Variants in NBEA observed in about 807,000 individuals in gnomAD.
NBEA encodes the protein lysosomal-trafficking regulator 2.
A neutral mutation model predicts 343.4 loss-of-function variants in NBEA; 44 were observed. The ratio of observed to expected loss-of-function variants is 0.13; its 90% CI spans 0.10 to 0.16. The LOEUF (loss-of-function observed/expected upper bound fraction) is 0.16, where lower values mean the gene tolerates loss of function less well. Ranked by LOEUF, NBEA falls within the 10% of genes least tolerant of loss-of-function variation. NBEA has a pLI of 1.00. For synonymous variants in NBEA, 1,175 were observed against 1,238.7 expected (o/e 0.95, Z 1.08); for missense variants, 2,555 against 3,631.3 (o/e 0.70, Z 7.62).
At chr13:35,543,404 A>G (rs1173232815) in intron 41 of NBEA, among the ~76,000 whole-genome samples, 3 of 152,226 alleles carry the variant, frequency 2.0e-5, no homozygotes, top group Non-Finnish European at 4.4e-5. Flanking sequence ...TTGTGTGCTA[A>G]AAATCACATA....
chr13:35,577,702 C>T (rs1040685338), intron 45 of NBEA, among the ~76,000 whole-genome samples: 1 of 151,840 alleles, frequency 6.6e-6, no homozygotes, highest in Non-Finnish European at 1.5e-5. Flanking sequence ...ATTTATTGCT[C>T]GCTTAAAAAG....
chr13:34,993,884 T>A (rs890588672), intron 1 of NBEA, among the ~76,000 whole-genome samples: 1 of 152,038 alleles, frequency 6.6e-6, no homozygotes, highest in African/African-American at 2.4e-5. Context: ...AGTAAAAGAT[T>A]ACCTAAAACT....
chr13:35,034,659 T>G (rs1056875896), intron 1 of NBEA, among the ~76,000 whole-genome samples: 2 of 151,804 alleles, frequency 1.3e-5, no homozygotes, highest in African/African-American at 4.8e-5. Context: ...AATTCAGCAG[T>G]GAAGTGCTTT....
chr13:35,214,988 T>C (rs895051463), intron 33 of NBEA, among the ~76,000 whole-genome samples: 2 of 117,154 alleles, frequency 1.7e-5, no homozygotes, highest in Non-Finnish European at 3.8e-5. Context: ...GTAGATCTAT[T>C]TCTAGACTCC....
chr13:35,394,789 A>T (rs1244650086), intron 38 of NBEA, among the ~76,000 whole-genome samples: 2 of 152,040 alleles, frequency 1.3e-5, no homozygotes, highest in Non-Finnish European at 1.5e-5. Flanking sequence ...TTCTACTTAT[A>T]TTAGGCTTAC....
At chr13:35,175,058 G>C (rs895934243) in intron 27 of NBEA, among the ~76,000 whole-genome samples, 3 of 152,022 alleles carry the variant, frequency 2.0e-5, no homozygotes, top group Admixed American at 1.3e-4. Context: ...CCAAAGTGCT[G>C]GGATTACAGG....
At chr13:35,079,597 T>G (rs932464016) in intron 10 of NBEA, among the ~76,000 whole-genome samples, 5 of 152,186 alleles carry the variant, frequency 3.3e-5, no homozygotes, top group African/African-American at 1.2e-4. Flanking sequence ...AGTATACCAC[T>G]AATAAAAGTG....
intron 53 of NBEA, among the ~76,000 whole-genome samples, chr13:35,653,420 T>C (rs2084658532): frequency 6.9e-6 from 1 of 144,244 alleles, no homozygotes; most frequent in African/African-American, 2.6e-5. Flanking sequence ...AACCTCCGCC[T>C]CCCAGGTTAA....
At chr13:35,116,858 T>G (rs1032084750) in intron 13 of NBEA, among the ~76,000 whole-genome samples, 15 of 152,078 alleles carry the variant, frequency 9.9e-5, no homozygotes, top group African/African-American at 3.6e-4. Flanking sequence ...TATGCACATT[T>G]TAATATTTTA....
At chr13:34,999,861 T>C (rs1335933632) in intron 1 of NBEA, among the ~76,000 whole-genome samples, 1 of 152,176 alleles carries the variant, frequency 6.6e-6, no homozygotes, top group African/African-American at 2.4e-5. Context: ...ACAGGCATTC[T>C]ATTTCAAAGC....
At chr13:35,463,191 A>G (rs888028169) in intron 40 of NBEA, among the ~76,000 whole-genome samples, 3 of 152,186 alleles carry the variant, frequency 2.0e-5, no homozygotes, top group African/African-American at 7.2e-5. Flanking sequence ...AAAAGGAAAG[A>G]ATCCTATGCT....
intron 38 of NBEA, among the ~76,000 whole-genome samples, chr13:35,373,864 G>A (rs1387742982): frequency 6.6e-6 from 1 of 152,044 alleles, no homozygotes; most frequent in Non-Finnish European, 1.5e-5. Context: ...TGGTCTTGCT[G>A]TCTCAGGGGT....
intron 28 of NBEA, chr13:35,179,792 T>C (rs1377515325): frequency 1.0e-6 from 1 of 984,616 alleles, no homozygotes; most frequent in African/African-American, 1.7e-5. Flanking sequence ...TGTGAATCTG[T>C]TCTTGGTTGG....
chr13:35,069,608 C>A (rs2063787854), intron 8 of NBEA, among the ~76,000 whole-genome samples: 1 of 152,022 alleles, frequency 6.6e-6, no homozygotes, highest in Admixed American at 6.6e-5. Context: ...CTGATGTAGT[C>A]AAGTAACATC....
At chr13:35,077,854 A>G (rs1374273176) in intron 10 of NBEA, among the ~76,000 whole-genome samples, 1 of 152,170 alleles carries the variant, frequency 6.6e-6, no homozygotes, top group African/African-American at 2.4e-5. Flanking sequence ...ATATATAGCA[A>G]TAAGGACAAA....
intron 36 of NBEA, among the ~76,000 whole-genome samples, chr13:35,341,883 C>T (rs945755239): frequency 2.6e-5 from 4 of 151,980 alleles, no homozygotes; most frequent in East Asian, 1.9e-4. Flanking sequence ...GATACATCCT[C>T]AAGAGAATTG....
chr13:35,434,132 T>G (rs1361249103), intron 39 of NBEA, among the ~76,000 whole-genome samples: 2 of 152,142 alleles, frequency 1.3e-5, no homozygotes, highest in East Asian at 3.8e-4. Context: ...AAGTGAATAC[T>G]TTGTGTGTTT....
At chr13:35,145,307 C>T (rs2068349721) in intron 18 of NBEA, among the ~76,000 whole-genome samples, 1 of 152,156 alleles carries the variant, frequency 6.6e-6, no homozygotes, top group Admixed American at 6.6e-5. Flanking sequence ...GAGGCCTGAC[C>T]TTTAAGATAG....
chr13:35,000,796 T>A (rs938250116), intron 1 of NBEA, among the ~76,000 whole-genome samples: 2 of 151,990 alleles, frequency 1.3e-5, no homozygotes, highest in Admixed American at 1.3e-4. Context: ...TATTGTTTTT[T>A]TAAAAACCTA....
Sources: allele counts gnomAD v4.1 joint callset (sites outside exome capture counted in the v4.1 genomes callset), GRCh38; gene constraint gnomAD v4.1.1; transcripts MANE v1.5; gene names NCBI Gene and HGNC (gene_info 2026-07-23, HGNC 2026-07-21).